TLCD4: variants seen among roughly 807,000 people sequenced by gnomAD.
TLCD4 encodes the protein TLC domain-containing protein 4.
A neutral mutation model predicts 24.2 loss-of-function variants in TLCD4; 7 were observed. The ratio of observed to expected loss-of-function variants is 0.29; its 90% CI spans 0.16 to 0.54. TLCD4 has a LOEUF of 0.54. Ranked by LOEUF, TLCD4 falls within the 20% of genes least tolerant of loss-of-function variation. The probability of loss-of-function intolerance (pLI) is 0.95; values close to 1 mark genes in which losing one functional copy is unlikely to be tolerated. For synonymous variants in TLCD4, 103 were observed against 106.4 expected (o/e 0.97, Z 0.20); for missense variants, 259 against 313.9 (o/e 0.82, Z 1.32).
intron 5 of TLCD4, among the ~76,000 whole-genome samples, chr1:95,162,891 C>T (rs1032195762): frequency 2.0e-5 from 3 of 152,174 alleles, no homozygotes; most frequent in Non-Finnish European, 2.9e-5. Flanking sequence ...TGTTGGGCTT[C>T]CCTTTGTGGG....
At chr1:95,178,464 C>T (rs7541188) in intron 6 of TLCD4, among the ~76,000 whole-genome samples, 149,926 of 151,986 alleles carry the variant, frequency 0.99, 73,977 homozygotes, top group East Asian at 1. Context: ...GGTTTGGCCA[C>T]GTTGGCCAGG....
At chr1:95,141,830 CACAAAG>C (rs1367017271) in intron 1 of TLCD4, among the ~76,000 whole-genome samples, 1 of 143,582 alleles carries the variant, frequency 7.0e-6, no homozygotes, top group African/African-American at 2.6e-5. Context: ...CACACACACA[CACAAAG>C]AATGAGGAAA....
intron 5 of TLCD4, among the ~76,000 whole-genome samples, chr1:95,165,353 G>A (rs1677978608): frequency 6.6e-6 from 1 of 152,048 alleles, no homozygotes; most frequent in Admixed American, 6.6e-5. Flanking sequence ...AGTGTCATAG[G>A]TAACTTTGAG....
chr1:95,174,412 A>G (rs888041919), intron 6 of TLCD4, among the ~76,000 whole-genome samples: 1 of 151,458 alleles, frequency 6.6e-6, no homozygotes, highest in Non-Finnish European at 1.5e-5. Context: ...GCTCACGTCT[A>G]TAAATCCCAG....
intron 5 of TLCD4, among the ~76,000 whole-genome samples, chr1:95,161,663 C>A (rs1199076924): frequency 6.6e-6 from 1 of 151,948 alleles, no homozygotes; most frequent in Admixed American, 6.6e-5. Flanking sequence ...CCCTCTACAC[C>A]CTGCTTTAAA....
At chr1:95,132,346 A>G (rs1553168805) in intron 1 of TLCD4, among the ~76,000 whole-genome samples, 1 of 151,532 alleles carries the variant, frequency 6.6e-6, no homozygotes, top group Admixed American at 6.6e-5. Flanking sequence ...AATCCCAGCT[A>G]TGCTGGAGGC....
intron 1 of TLCD4, among the ~76,000 whole-genome samples, chr1:95,124,253 C>T (rs1043168048): frequency 6.6e-6 from 1 of 152,136 alleles, no homozygotes; most frequent in Non-Finnish European, 1.5e-5. Context: ...TAGTGTATTT[C>T]GAAGTCCTGT....
chr1:95,162,693 C>T (rs1198468840), intron 5 of TLCD4, among the ~76,000 whole-genome samples: 23 of 148,944 alleles, frequency 1.5e-4, no homozygotes, highest in African/African-American at 1.5e-4. Flanking sequence ...GTAAGGCAGG[C>T]GTGGTGGTGA....
chr1:95,121,323 G>A (rs916568720), intron 1 of TLCD4: 1 of 152,182 alleles, frequency 6.6e-6, no homozygotes. Flanking sequence ...GGCTAGTAGT[G>A]CAGGGAGGGT....
the TLCD4 span, among the ~76,000 whole-genome samples, chr1:95,098,293 T>C: frequency 6.6e-6 from 1 of 152,226 alleles, no homozygotes; most frequent in Admixed American, 6.5e-5. Flanking sequence ...CTGCCCCATT[T>C]CTAAACCTTT....
rs1483761802 is a variant in TLCD4, at chr1:95,195,506, G to A, written c.*3638G>A. ...GCTGAAATGGAAAAGTTCATGTATT[G>A]ACATCATCAATAATACTTCATAAAG... is the stretch of plus-strand genomic sequence containing the variant. On this transcript the variant is annotated 3_prime_UTR_variant, in exon 7 of 7. Transcript: ENST00000370203. The A allele has an allele frequency of 6.6e-6, 1 of 152,140 alleles. No homozygotes were observed. The highest frequency in any genetic ancestry group is 1.5e-5 in the Non-Finnish European group (1 of 68,010). 9.4% of individuals were successfully genotyped at this position (152,140 alleles called of 1,614,324 possible).
chr1:95,115,387 C>T (rs762035495), upstream of TLCD4, among the ~76,000 whole-genome samples: 2 of 151,966 alleles, frequency 1.3e-5, no homozygotes, highest in Admixed American at 6.6e-5. Context: ...GGATTACAGG[C>T]GTGAGCCACT....
At chr1:95,105,899 A>AAAAAAAAAAAAG in the TLCD4 span, among the ~76,000 whole-genome samples, 1 of 149,688 alleles carries the variant, frequency 6.7e-6, no homozygotes, top group Non-Finnish European at 1.5e-5. Flanking sequence ...CGTCTTAAAA[A>AAAAAAAAAAAAG]AAAAAAAAAA....
the TLCD4 span, among the ~76,000 whole-genome samples, chr1:95,094,765 A>T: frequency 6.6e-6 from 1 of 152,316 alleles, no homozygotes; most frequent in Non-Finnish European, 1.5e-5. Flanking sequence ...GTTAACCCAT[A>T]AATGATTGTT....
chr1:95,189,827 G>A (rs765635821), intron 6 of TLCD4, among the ~76,000 whole-genome samples: 10 of 152,194 alleles, frequency 6.6e-5, no homozygotes, highest in Non-Finnish European at 1.0e-4. Context: ...GTGTAAACAC[G>A]TATGCAGCTT....
intron 1 of TLCD4, among the ~76,000 whole-genome samples, chr1:95,123,906 G>A (rs995866893): frequency 1.3e-5 from 2 of 152,098 alleles, no homozygotes; most frequent in African/African-American, 2.4e-5. Context: ...CAATTCATTG[G>A]CATACTGCTT....
the TLCD4 span, among the ~76,000 whole-genome samples, chr1:95,107,955 AG>A: frequency 6.6e-6 from 1 of 152,192 alleles, no homozygotes; most frequent in Admixed American, 6.5e-5. Context: ...GTCAAAGAGT[AG>A]TGAGGAAGTA....
the TLCD4 span, among the ~76,000 whole-genome samples, chr1:95,095,866 A>C: frequency 6.6e-6 from 1 of 152,228 alleles, no homozygotes; most frequent in Non-Finnish European, 1.5e-5. Flanking sequence ...TCAGAAAGGC[A>C]AACCAAAATT....
At chr1:95,100,291 C>T in the TLCD4 span, among the ~76,000 whole-genome samples, 1 of 150,074 alleles carries the variant, frequency 6.7e-6, no homozygotes. Context: ...TCCTGCATTG[C>T]TGGCTGGGTG....
Sources: allele counts gnomAD v4.1 joint callset (sites outside exome capture counted in the v4.1 genomes callset), GRCh38; gene constraint gnomAD v4.1.1; transcripts MANE v1.5; gene names NCBI Gene and HGNC (gene_info 2026-07-23, HGNC 2026-07-21).